The following COL28A1 variants were observed in gnomAD, a reference collection of about 807,000 sequenced individuals.
COL28A1 encodes collagen type XXVIII alpha 1 chain, also known as collagen alpha-1(XXVIII) chain.
A neutral mutation model predicts 150.2 loss-of-function variants in COL28A1; 161 were observed. That is an observed-to-expected ratio of 1.07 (90% CI 0.94 to 1.22). COL28A1 has a LOEUF of 1.22. COL28A1 is among the 50% of genes most tolerant of loss of function. The probability of loss-of-function intolerance (pLI) is 0.00; values close to 1 mark genes in which losing one functional copy is unlikely to be tolerated. For missense variants in COL28A1, 1,617 were observed against 1,388.3 expected (o/e 1.16, Z -2.62); for synonymous variants, 552 against 469.7 (o/e 1.18, Z -2.26).
In COL28A1 at chr7:7,415,597, G is replaced by A. The variant is rs377691335; in HGVS notation, c.2136+2262C>T. Among the ~76,000 whole-genome samples, 222 of 152,238 alleles carry A rather than the reference G, an allele frequency of 1.5e-3. 1 individual carries two copies. Among genetic ancestry groups the A allele is most frequent in the African/African-American group, 5.0e-3 (209 of 41,552 alleles). ...TGCCCAGGCAGGAGTGCAGTGGTGCGATCTTGGCTCACTGCAACCTCCGCC... is the reference window on the plus strand; with the variant it reads ...TGCCCAGGCAGGAGTGCAGTGGTGCAATCTTGGCTCACTGCAACCTCCGCC... On this transcript the variant is annotated intron_variant, in intron 27 of 34. Transcript: ENST00000399429.
At chr7:7,440,989 G>C (rs994184827) in intron 20 of COL28A1, 128 bp from the exon 21 acceptor site, 4 of 502,258 alleles carry the variant, frequency 8.0e-6, no homozygotes, top group Non-Finnish European at 1.4e-5. Flanking sequence ...CCTGAGCACA[G>C]CTCAATTGCG....
intron 33 of COL28A1, among the ~76,000 whole-genome samples, chr7:7,367,165 C>G (rs1361224221): frequency 6.6e-6 from 1 of 152,166 alleles, no homozygotes; most frequent in Non-Finnish European, 1.5e-5. Context: ...ATATGCTGTG[C>G]AGGTTTGTAG....
chr7:7,352,828 C>T (rs1301926170), downstream of COL28A1, among the ~76,000 whole-genome samples: 6 of 152,184 alleles, frequency 3.9e-5, no homozygotes, highest in Non-Finnish European at 7.3e-5. Flanking sequence ...GCAGATGTGC[C>T]TCAACTAAGA....
intron 13 of COL28A1, among the ~76,000 whole-genome samples, chr7:7,486,505 G>T (rs1480667855): frequency 6.6e-6 from 1 of 152,136 alleles, no homozygotes; most frequent in East Asian, 1.9e-4. Context: ...AGACATCTTT[G>T]TCTTGTTCCT....
upstream of COL28A1, among the ~76,000 whole-genome samples, chr7:7,540,052 AATT>A (rs200768159): frequency 6.7e-6 from 1 of 148,740 alleles, no homozygotes; most frequent in South Asian, 2.1e-4. Context: ...GACTAAATGC[AATT>A]ATTTTAGACC....
chr7:7,379,020 C>T (rs921550020), intron 30 of COL28A1, among the ~76,000 whole-genome samples: 2 of 152,204 alleles, frequency 1.3e-5, no homozygotes, highest in Non-Finnish European at 2.9e-5. Context: ...GCCAGTGCTT[C>T]AGCTCTCCAA....
intron 32 of COL28A1, among the ~76,000 whole-genome samples, chr7:7,371,684 T>C (rs1366907893): frequency 1.3e-5 from 2 of 152,208 alleles, no homozygotes; most frequent in Non-Finnish European, 2.9e-5. Flanking sequence ...AATTTTATTA[T>C]AAAGTCATAC....
rs532986501 is a variant in COL28A1 at position 7,371,975 on chromosome 7, G to A, written c.2908+1023C>T. 1.8e-4 allele frequency among the ~76,000 whole-genome samples: 27 copies of A among 152,120 alleles called. No homozygotes were observed. In the South Asian group the frequency reaches 3.1e-3, roughly 18 times the overall value. The stretch of plus-strand genomic sequence containing the variant: ...AGCTTCCCGGGTAGCTGGGACTACA[G>A]GCACACGCCACCATGCCCAGCTAAT... On this transcript the variant is annotated intron_variant, in intron 32 of 34. Coordinates refer to ENST00000399429, the MANE Select transcript of COL28A1 (RefSeq NM_001037763.3).
intron 27 of COL28A1, among the ~76,000 whole-genome samples, chr7:7,400,975 G>GGTGTGTGTGTGTGTGTGT (rs60064708): frequency 7.1e-4 from 84 of 119,122 alleles, no homozygotes; most frequent in African/African-American, 8.7e-4. Flanking sequence ...TGGGTATTTG[G>GGTGTGTGTGTGTGTGTGT]GTGTGTGTGT....
At chr7:7,338,824 G>T in the COL28A1 span, among the ~76,000 whole-genome samples, 2 of 152,100 alleles carry the variant, frequency 1.3e-5, no homozygotes, top group Admixed American at 6.6e-5. Context: ...TTTGTGACTT[G>T]CTTTGGCCAG....
At chr7:7,496,246 A>G (rs1345300961) in intron 11 of COL28A1, among the ~76,000 whole-genome samples, 1 of 152,170 alleles carries the variant, frequency 6.6e-6, no homozygotes, top group Non-Finnish European at 1.5e-5. Flanking sequence ...TGTGGGGATG[A>G]TGCATATGAT....
chr7:7,504,827 G>A (rs1489518997), intron 11 of COL28A1, among the ~76,000 whole-genome samples: 2 of 152,168 alleles, frequency 1.3e-5, no homozygotes, highest in Admixed American at 6.5e-5. Flanking sequence ...ATCCCTGACT[G>A]TAAGCCTCTT....
intron 33 of COL28A1, 76 bp from the exon 34 acceptor site, chr7:7,360,604 A>G (rs988592629): frequency 3.8e-5 from 52 of 1,352,200 alleles, no homozygotes; most frequent in Non-Finnish European, 4.9e-5. Flanking sequence ...TTGGGAACAT[A>G]TAAAGACTAG....
chr7:7,478,758 C>T (rs900863985), intron 13 of COL28A1, among the ~76,000 whole-genome samples: 52 of 152,250 alleles, frequency 3.4e-4, no homozygotes, highest in African/African-American at 1.2e-3. Flanking sequence ...CTGGGGGACC[C>T]AGTGCACCCT....
At chr7:7,416,028 C>G (rs1220417872) in intron 27 of COL28A1, among the ~76,000 whole-genome samples, 1 of 152,162 alleles carries the variant, frequency 6.6e-6, no homozygotes, top group African/African-American at 2.4e-5. Context: ...GTCTTGAACT[C>G]CTGACCTCAA....
chr7:7,387,668 T>C (rs1470743036), intron 27 of COL28A1, among the ~76,000 whole-genome samples: 1 of 152,164 alleles, frequency 6.6e-6, no homozygotes. Context: ...AAAGGATATA[T>C]AAAAATTCTT....
chr7:7,410,738 G>A (rs1269739634), intron 27 of COL28A1, among the ~76,000 whole-genome samples: 2 of 151,646 alleles, frequency 1.3e-5, no homozygotes, highest in African/African-American at 4.9e-5. Flanking sequence ...AAATATATGT[G>A]TGTTGCTCTC....
chr7:7,505,421 A>G (rs1341385957), intron 11 of COL28A1, among the ~76,000 whole-genome samples: 1 of 152,170 alleles, frequency 6.6e-6, no homozygotes, highest in Non-Finnish European at 1.5e-5. Context: ...GGTCACTCTC[A>G]TTGGAAAAGA....
chr7:7,416,418 C>T (rs1228407675), intron 27 of COL28A1, among the ~76,000 whole-genome samples: 6 of 152,190 alleles, frequency 3.9e-5, no homozygotes, highest in Admixed American at 6.5e-5. Flanking sequence ...AAACCGGCCC[C>T]AGGCCTAAAG....
Sources: gnomAD v4.1 joint callset for allele counts (sites outside exome capture counted in the v4.1 genomes callset) on GRCh38, gnomAD v4.1.1 for gene constraint, MANE v1.5 for transcripts, NCBI Gene and HGNC (gene_info 2026-07-23, HGNC 2026-07-21) for gene names.